Variants in CRMP1 observed in about 807,000 individuals in gnomAD.
CRMP1 encodes the protein dihydropyrimidinase-related protein 1.
Under a neutral mutation model 68.3 loss-of-function variants are expected in CRMP1, and 19 were observed. The ratio of observed to expected loss-of-function variants is 0.28; its 90% CI spans 0.19 to 0.41. The LOEUF (loss-of-function observed/expected upper bound fraction) is 0.41, where lower values mean the gene tolerates loss of function less well. Among genes scored for constraint, CRMP1 ranks in the 10% least tolerant of loss-of-function variants. The probability of loss-of-function intolerance (pLI) is 1.00; values close to 1 mark genes in which losing one functional copy is unlikely to be tolerated. For synonymous variants in CRMP1, 439 were observed against 399.6 expected (o/e 1.10, Z -1.18); for missense variants, 791 against 967.4 (o/e 0.82, Z 2.42).
intron 1 of CRMP1, among the ~76,000 whole-genome samples, chr4:5,885,243 C>T (rs1301738110): frequency 6.6e-6 from 1 of 152,126 alleles, no homozygotes; most frequent in Non-Finnish European, 1.5e-5. Context: ...CACTCTAGCT[C>T]CCACCTCTCC....
intron 9 of CRMP1, 95 bp from the exon 10 acceptor site, chr4:5,837,001 G>T: frequency 1.4e-6 from 2 of 1,388,318 alleles, no homozygotes; most frequent in Non-Finnish European, 2.0e-6. Flanking sequence ...GCCAGTGAAT[G>T]AATGAATAGA....
At chr4:5,878,290 C>T (rs1714983973) in intron 1 of CRMP1, among the ~76,000 whole-genome samples, 1 of 151,978 alleles carries the variant, frequency 6.6e-6, no homozygotes, top group Non-Finnish European at 1.5e-5. Context: ...CTAGTTGATA[C>T]ATCTGAGCCT....
rs915161759 is a variant in CRMP1, at chr4:5,843,740, T to C, written c.964-579A>G. 6.6e-6 allele frequency among the ~76,000 whole-genome samples: 1 copy of C among 152,142 alleles called. No homozygotes were observed. The highest frequency in any genetic ancestry group is 1.5e-5 in the Non-Finnish European group (1 of 68,034). ...ATCAGATGAGCGAGCATACGAAACA[T>C]GCTCAGCACAAAACCTGGAGCTGAG... is the stretch of plus-strand genomic sequence containing the variant. On this transcript the variant is annotated intron_variant, in intron 6 of 13. Coordinates refer to ENST00000324989, the MANE Select transcript of CRMP1 (RefSeq NM_001014809.3). The surrounding 1 kb of genome is among the most constrained non-coding windows in gnomAD (Gnocchi z 4.1).
Position 5,872,108 on chromosome 4 carries a change from T to A in CRMP1, c.382-5352A>T, listed in dbSNP as rs940069773. On this transcript the variant is annotated intron_variant, in intron 1 of 13. Coordinates refer to ENST00000324989, the MANE Select transcript of CRMP1 (RefSeq NM_001014809.3). This position sits in a 1 kb window ranked among gnomAD's most constrained non-coding sequence, Gnocchi z 4.6. ...AAACATTCCCAAACTCTAGAATCCA[T>A]GACACCTCATAAGAAGATAGAACTT... is the stretch of plus-strand genomic sequence containing the variant. 6.6e-6 allele frequency among the ~76,000 whole-genome samples: 1 copy of A among 152,074 alleles called. No homozygotes were observed. The highest frequency in any genetic ancestry group is 2.4e-5 in the African/African-American group (1 of 41,406).
rs1324884218 is a variant in CRMP1, at chr4:5,889,974, T to G, written c.381+2615A>C. On this transcript the variant is annotated intron_variant, in intron 1 of 13. Transcript: ENST00000324989. The surrounding 1 kb of genome is among the most constrained non-coding windows in gnomAD (Gnocchi z 4.5). Reference sequence around the variant, plus strand: ...CAGAGGTAAAATGATGTACCCCGGGTGCAAAACATATTAGCTGCAGCAAAG... The same window carrying G: ...CAGAGGTAAAATGATGTACCCCGGGGGCAAAACATATTAGCTGCAGCAAAG... 6 of 1,233,410 alleles carry G rather than the reference T, an allele frequency of 4.9e-6. No individual in the cohort carries two copies. The highest frequency in any genetic ancestry group is 1.5e-5 in the African/African-American group (1 of 65,710). 76.4% of individuals were successfully genotyped at this position (1,233,410 alleles called of 1,614,324 possible). A position where few individuals can be genotyped will look rare whatever the true frequency, so the allele number is the denominator to read the frequency against.
Position 5,855,137 on chromosome 4 carries a change from G to A in CRMP1, c.820+1006C>T, listed in dbSNP as rs1398832794. On this transcript the variant is annotated intron_variant, in intron 4 of 13. Coordinates refer to ENST00000324989, the MANE Select transcript of CRMP1 (RefSeq NM_001014809.3). This position sits in a 1 kb window ranked among gnomAD's most constrained non-coding sequence, Gnocchi z 4.9. ...ATAACAGCTATTGCACAACCACATAGGGGAAAAATCATCCAAATACACAGG... is the reference window on the plus strand; with the variant it reads ...ATAACAGCTATTGCACAACCACATAAGGGAAAAATCATCCAAATACACAGG... 6.6e-6 allele frequency among the ~76,000 whole-genome samples: 1 copy of A among 152,126 alleles called. No individual in the cohort carries two copies. The highest frequency in any genetic ancestry group is 1.5e-5 in the Non-Finnish European group (1 of 68,024).
At chr4:5,837,678 TA>T (rs142096286) in intron 9 of CRMP1, among the ~76,000 whole-genome samples, 1 of 126,268 alleles carries the variant, frequency 7.9e-6, no homozygotes, top group African/African-American at 3.5e-5. Flanking sequence ...TAAAATAAAA[TA>T]AATAAAATAA....
Position 5,841,381 on chromosome 4 carries a change from G to T in CRMP1, c.1080C>A (p.Ile360=). 1 of 1,614,158 alleles carries T rather than the reference G, an allele frequency of 6.2e-7. No individual in the cohort carries two copies. The change falls in exon 8 of 14, where the codon ATC becomes ATA. Residue 360 remains isoleucine, a synonymous_variant. Transcript: ENST00000324989. This position sits in a 1 kb window ranked among gnomAD's most constrained non-coding sequence, Gnocchi z 6.9. Reference sequence around the variant, plus strand: ...CCTTGGTGATGTACACAGGGCAGTTGATCCGGCCCGCAATGGTGATGGCCC... The same window carrying T: ...CCTTGGTGATGTACACAGGGCAGTTTATCCGGCCCGCAATGGTGATGGCCC... The part of the protein sequence containing the change: ...VFRAITIAGR[I]NCPVYITKVM...
intron 1 of CRMP1, among the ~76,000 whole-genome samples, chr4:5,886,920 C>A (rs550854754): frequency 6.6e-6 from 1 of 152,320 alleles, no homozygotes; most frequent in Non-Finnish European, 1.5e-5. Flanking sequence ...GAGGTGGTGC[C>A]CACCCTCTGG....
At position 5,858,657 on chromosome 4, in the gene CRMP1, T is replaced by C. The variant is rs1713316413; in HGVS notation, c.656-2350A>G. ...TCCAGACACATCCCATCCAGGCCAC[T>C]CTATTACCGGTCTCTCCAAAACACA... On this transcript the variant is annotated intron_variant, in intron 3 of 13. Transcript: ENST00000324989. This position sits in a 1 kb window ranked among gnomAD's most constrained non-coding sequence, Gnocchi z 5.5. Among the ~76,000 whole-genome samples, 1 of 152,102 alleles carries C rather than the reference T, an allele frequency of 6.6e-6. No individual in the cohort carries two copies. The highest frequency in any genetic ancestry group is 2.4e-5 in the African/African-American group (1 of 41,398).
At chr4:5,839,997 T>C (rs1711590277) in intron 8 of CRMP1, among the ~76,000 whole-genome samples, 1 of 152,214 alleles carries the variant, frequency 6.6e-6, no homozygotes, top group Admixed American at 6.5e-5. Flanking sequence ...AGCCAAGCCA[T>C]GGAGACACGA....
chr4:5,856,399 T>TACCATCACGACCATCATCATCATC, intron 3 of CRMP1, 92 bp from the exon 4 acceptor site: 1 of 1,077,590 alleles, frequency 9.3e-7, no homozygotes, highest in Non-Finnish European at 1.4e-6. Context: ...TCACCATCAT[T>TACCATCACGACCATCATCATCATC]ACCATCACCA....
intron 5 of CRMP1, among the ~76,000 whole-genome samples, chr4:5,849,814 G>A (rs2152462600): frequency 6.6e-6 from 1 of 152,258 alleles, no homozygotes; most frequent in Admixed American, 6.5e-5. Flanking sequence ...GGTGTTAATG[G>A]CAGCAACTGG....
intron 12 of CRMP1, chr4:5,826,678 T>TGAAC: frequency 6.6e-6 from 1 of 152,278 alleles, no homozygotes; most frequent in Non-Finnish European, 1.5e-5. Context: ...GAACAGCATG[T>TGAAC]GTTCAGGGAC....
rs1194954213 is a variant in CRMP1 at position 5,851,458 on chromosome 4, A to C, written c.832T>G (p.Phe278Val). Reference protein sequence around the residue: ...VLVQDKGVNSFQVYMAYKDVY... With the variant: ...VLVQDKGVNSVQVYMAYKDVY... ...TCCTTATAGGCCATGTAGACTTGGA[A>C]GGAATTGACGCCTGTTTCAAGATAG... Residue 278 changes from phenylalanine to valine, a missense_variant, in exon 5 of 14, where the codon TTC becomes GTC. By Grantham distance (50) the Phe-to-Val change is conservative (BLOSUM62 -1). Coordinates refer to ENST00000324989, the MANE Select transcript of CRMP1 (RefSeq NM_001014809.3). 1 of 1,614,174 alleles carries C rather than the reference A, an allele frequency of 6.2e-7. No homozygotes were observed.
rs1719438742 is a variant in CRMP1, at chr4:5,825,658, A to G, written c.1805T>C (p.Val602Ala). 1 of 1,612,398 alleles carries G rather than the reference A, an allele frequency of 6.2e-7. No homozygotes were observed. The highest frequency in any genetic ancestry group is 8.5e-7 in the Non-Finnish European group (1 of 1,179,358). Residue 602 changes from valine (V) to alanine (A), a missense_variant and splice_region_variant, in exon 13 of 14, where the codon GTT becomes GCT. Around this residue, in one of 3 missense-constraint regions of CRMP1, gnomAD observed 594 missense variants for 763.6 expected, o/e 0.78. Coordinates refer to ENST00000324989, the MANE Select transcript of CRMP1 (RefSeq NM_001014809.3). The surrounding 1 kb of genome is among the most constrained non-coding windows in gnomAD (Gnocchi z 4.4). ...CCTGGAAACCCCTTGCAATCCAAAAACCTAAACAGAGGAAGGGAGAGTGTG... is the reference window on the plus strand; with the variant it reads ...CCTGGAAACCCCTTGCAATCCAAAAGCCTAAACAGAGGAAGGGAGAGTGTG... ...LYQRVKIRNK[V>A]FGLQGVSRGM...
Position 5,843,180 on chromosome 4 carries a change from T to A in CRMP1, c.964-19A>T, listed in dbSNP as rs41264678. 1.6e-4 allele frequency: 266 copies of A among 1,613,604 alleles called. No homozygotes were observed. The African/African-American group carries it at 3.2e-3, about 19-fold the overall frequency. ...TTTGTTCCTACAAGACAAGAACAAG[T>A]GAGTTAACGATTAGAGGGTGTCAGA... On this transcript the variant is annotated intron_variant, in intron 6 of 13. Transcript: ENST00000324989. The surrounding 1 kb of genome is among the most constrained non-coding windows in gnomAD (Gnocchi z 4.1).
At position 5,888,729 on chromosome 4, in the gene CRMP1, G is replaced by C. The variant is rs1172515448; in HGVS notation, c.381+3860C>G. 6 of 710,110 alleles carry C rather than the reference G, an allele frequency of 8.4e-6. No homozygotes were observed. In the African/African-American group the frequency reaches 1.2e-4, roughly 14 times the overall value. 44.0% of individuals were successfully genotyped at this position (710,110 alleles called of 1,614,324 possible). On this transcript the variant is annotated intron_variant, in intron 1 of 13. Transcript: ENST00000324989. This position sits in a 1 kb window ranked among gnomAD's most constrained non-coding sequence, Gnocchi z 6.4. ...GCGATCCAGAGAGTATGGTTTTCAGGGCTCCTTTAAAAGAAAAAGACGGCG... is the reference window on the plus strand; with the variant it reads ...GCGATCCAGAGAGTATGGTTTTCAGCGCTCCTTTAAAAGAAAAAGACGGCG...
chr4:5,832,969 G>A (rs1309116894), intron 11 of CRMP1, among the ~76,000 whole-genome samples: 4 of 152,116 alleles, frequency 2.6e-5, no homozygotes, highest in African/African-American at 7.2e-5. Flanking sequence ...CATAAAAGGA[G>A]AAGACACAGC....
Sources: allele counts gnomAD v4.1 joint callset (sites outside exome capture counted in the v4.1 genomes callset), GRCh38; gene constraint gnomAD v4.1.1; regional missense constraint gnomAD v4.1.1; non-coding constraint Gnocchi (gnomAD v3.1); transcripts MANE v1.5; gene names NCBI Gene and HGNC (gene_info 2026-07-23, HGNC 2026-07-21).